The following CTNNA3 variants were observed in gnomAD, a reference collection of about 807,000 sequenced individuals.
CTNNA3 encodes the protein catenin alpha 3, also known as catenin alpha-3.
A neutral mutation model predicts 95.7 loss-of-function variants in CTNNA3; 76 were observed. The observed-to-expected ratio is 0.79, with a 90% confidence interval of 0.66 to 0.96. The LOEUF (loss-of-function observed/expected upper bound fraction) is 0.96, where lower values mean the gene tolerates loss of function less well. CTNNA3 is among the 40% of genes least tolerant of loss of function. The pLI, the probability that CTNNA3 is intolerant of heterozygous loss-of-function variation, is 0.00. For missense variants in CTNNA3, 1,191 were observed against 1,089.8 expected (o/e 1.09, Z -1.31); for synonymous variants, 431 against 374.4 (o/e 1.15, Z -1.74).
At chr10:66,289,731 T>C (rs1020489117) in intron 12 of CTNNA3, among the ~76,000 whole-genome samples, 5 of 152,064 alleles carry the variant, frequency 3.3e-5, no homozygotes, top group African/African-American at 1.2e-4. Context: ...ACATGTTGGT[T>C]TACAGACACT....
intron 11 of CTNNA3, among the ~76,000 whole-genome samples, chr10:66,439,040 C>T (rs1056303712): frequency 1.4e-4 from 22 of 152,184 alleles, no homozygotes; most frequent in Admixed American, 1.3e-3. Flanking sequence ...GTAACCAGTC[C>T]CAATGAGATG....
chr10:67,268,854 T>C (rs1564524406), intron 5 of CTNNA3, among the ~76,000 whole-genome samples: 1 of 152,164 alleles, frequency 6.6e-6, no homozygotes, highest in Non-Finnish European at 1.5e-5. Context: ...CAATCTTTAA[T>C]TGAGTTTATA....
At chr10:67,368,098 C>T (rs530621031) in intron 5 of CTNNA3, among the ~76,000 whole-genome samples, 27 of 152,034 alleles carry the variant, frequency 1.8e-4, no homozygotes, top group South Asian at 1.2e-3. Context: ...AAGTACACCA[C>T]GGAATGGGAG....
At chr10:66,147,917 A>G (rs370971469) in intron 13 of CTNNA3, among the ~76,000 whole-genome samples, 2 of 151,082 alleles carry the variant, frequency 1.3e-5, no homozygotes, top group East Asian at 3.9e-4. Flanking sequence ...TTGTATAGAG[A>G]CTGCTAGTTT....
intron 15 of CTNNA3, among the ~76,000 whole-genome samples, chr10:66,006,009 C>CTTTTT (rs11415177): frequency 2.6e-5 from 3 of 115,988 alleles, no homozygotes; most frequent in African/African-American, 1.0e-4. Context: ...CAAGGAAAGC[C>CTTTTT]TTTTTTTTTT....
At chr10:67,152,262 C>A (rs1014339938) in intron 7 of CTNNA3, among the ~76,000 whole-genome samples, 1 of 152,130 alleles carries the variant, frequency 6.6e-6, no homozygotes, top group Admixed American at 6.6e-5. Context: ...GTCTTCATAT[C>A]ATCAAGTTTG....
chr10:66,566,542 C>T (rs1204975523), intron 10 of CTNNA3, among the ~76,000 whole-genome samples: 1 of 151,938 alleles, frequency 6.6e-6, no homozygotes, highest in Admixed American at 6.6e-5. Flanking sequence ...ATTGAGTGGG[C>T]GTATTTATTT....
chr10:67,183,078 T>C (rs988536149), intron 6 of CTNNA3, among the ~76,000 whole-genome samples: 26 of 152,220 alleles, frequency 1.7e-4, no homozygotes, highest in African/African-American at 4.3e-4. Flanking sequence ...GGAACACTTT[T>C]ACACTGTTGG....
Position 66,389,999 on chromosome 10 carries a change from G to A in CTNNA3, c.1532-10647C>T, listed in dbSNP as rs146268124. Among the ~76,000 whole-genome samples, 704 of 152,264 alleles carry A rather than the reference G, an allele frequency of 4.6e-3. 5 individuals are homozygous for A. Among genetic ancestry groups the A allele is most frequent in the Middle Eastern group, 0.044 (13 of 294 alleles). ...GATTCTCCTACCTCAGATTCCCAAA[G>A]TGTTGAGATTACTGGAGTGAGCCCC... On this transcript the variant is annotated intron_variant, in intron 11 of 17. Coordinates refer to ENST00000433211, the MANE Select transcript of CTNNA3 (RefSeq NM_013266.4).
chr10:66,540,220 A>G (rs1841802176), intron 10 of CTNNA3, among the ~76,000 whole-genome samples: 1 of 152,184 alleles, frequency 6.6e-6, no homozygotes, highest in Non-Finnish European at 1.5e-5. Context: ...GTATCTATGT[A>G]GAAAAACTAA....
chr10:66,233,337 A>C (rs1490039600), intron 13 of CTNNA3, among the ~76,000 whole-genome samples: 1 of 152,088 alleles, frequency 6.6e-6, no homozygotes, highest in Non-Finnish European at 1.5e-5. Flanking sequence ...TTGATGTACT[A>C]GTTTTATTAA....
intron 9 of CTNNA3, among the ~76,000 whole-genome samples, chr10:66,666,802 GA>G (rs1215462091): frequency 4.2e-5 from 4 of 95,912 alleles, no homozygotes; most frequent in East Asian, 7.6e-4. Flanking sequence ...GGTTCTTGGG[GA>G]AAAAAAACTT....
rs1334312388 is a variant in CTNNA3 at position 66,853,831 on chromosome 10, A to G, written c.1048-78307T>C. Among the ~76,000 whole-genome samples, 4 of 152,230 alleles carry G rather than the reference A, an allele frequency of 2.6e-5. No individual in the cohort carries two copies. In the East Asian group the frequency reaches 7.7e-4, roughly 29 times the overall value. ...GTTTCTTCTAGATATTGAGAAAAGTACATAATTTCTACTAAGTATGCTACA... is the reference window on the plus strand; with the variant it reads ...GTTTCTTCTAGATATTGAGAAAAGTGCATAATTTCTACTAAGTATGCTACA... On this transcript the variant is annotated intron_variant, in intron 7 of 17. Coordinates refer to ENST00000433211, the MANE Select transcript of CTNNA3 (RefSeq NM_013266.4).
At chr10:67,430,378 T>C (rs1234444463) in intron 5 of CTNNA3, among the ~76,000 whole-genome samples, 2 of 151,964 alleles carry the variant, frequency 1.3e-5, no homozygotes, top group Non-Finnish European at 2.9e-5. Context: ...TTTTCACATA[T>C]GTTAATGGTG....
chr10:67,010,515 T>C (rs1450976044), intron 7 of CTNNA3, among the ~76,000 whole-genome samples: 1 of 152,222 alleles, frequency 6.6e-6, no homozygotes, highest in Non-Finnish European at 1.5e-5. Flanking sequence ...TGCTATCCTG[T>C]AGGTATTAGA....
chr10:66,022,239 C>T (rs1190301565), intron 15 of CTNNA3, among the ~76,000 whole-genome samples: 1 of 152,160 alleles, frequency 6.6e-6, no homozygotes, highest in Admixed American at 6.5e-5. Context: ...GTTCAACCTT[C>T]ATATGCTGAG....
In CTNNA3 at chr10:67,131,064, A is replaced by G. The variant is rs189066709; in HGVS notation, c.1047+49253T>C. Among the ~76,000 whole-genome samples the G allele has an allele frequency of 1.2e-4, 19 of 152,188 alleles. No individual in the cohort carries two copies. In the East Asian group the frequency reaches 3.3e-3, roughly 26 times the overall value. On this transcript the variant is annotated intron_variant, in intron 7 of 17. Coordinates refer to ENST00000433211, the MANE Select transcript of CTNNA3 (RefSeq NM_013266.4). The stretch of plus-strand genomic sequence containing the variant: ...TTACCTTATCCTGCTTATACTTGCA[A>G]TACCTCTGGGCATTATTTTTCACTC...
intron 5 of CTNNA3, among the ~76,000 whole-genome samples, chr10:67,462,343 C>T (rs1847408901): frequency 6.6e-6 from 1 of 152,186 alleles, no homozygotes; most frequent in Non-Finnish European, 1.5e-5. Flanking sequence ...CCTCGATTAA[C>T]ACACACTTTC....
chr10:66,598,519 C>T (rs973756658), intron 10 of CTNNA3, among the ~76,000 whole-genome samples: 2 of 151,936 alleles, frequency 1.3e-5, no homozygotes, highest in Non-Finnish European at 2.9e-5. Context: ...ACCAGAAAAA[C>T]TCCACCAAAA....
Sources: gnomAD v4.1 joint callset for allele counts (sites outside exome capture counted in the v4.1 genomes callset) on GRCh38, gnomAD v4.1.1 for gene constraint, MANE v1.5 for transcripts, NCBI Gene and HGNC (gene_info 2026-07-23, HGNC 2026-07-21) for gene names.